The following GTF2IRD1 variants were observed in gnomAD, a reference collection of about 807,000 sequenced individuals.
The protein encoded by GTF2IRD1 is GTF2I repeat domain containing 1, also known as general transcription factor II-I repeat domain-containing protein 1.
A neutral mutation model predicts 113.2 loss-of-function variants in GTF2IRD1; 26 were observed. The ratio of observed to expected loss-of-function variants is 0.23; its 90% CI spans 0.17 to 0.32. The LOEUF is 0.32. Ranked by LOEUF, GTF2IRD1 falls within the 10% of genes least tolerant of loss-of-function variation. The pLI, the probability that GTF2IRD1 is intolerant of heterozygous loss-of-function variation, is 1.00. For synonymous variants in GTF2IRD1, 484 were observed against 529.1 expected, an observed-to-expected ratio of 0.91 and a Z score of 1.17; for missense variants, 864 against 1,280.8, an observed-to-expected ratio of 0.67 and a Z score of 4.97.
rs587712059 is a variant in GTF2IRD1, at chr7:74,551,825, A to C, written c.1917-3349A>C. 2.0e-5 allele frequency among the ~76,000 whole-genome samples: 3 copies of C among 151,570 alleles called. No homozygotes were observed. The East Asian group carries it at 5.9e-4, about 30-fold the overall frequency. ...GTGGCGTGTGCCTGTAATCCCAGCT[A>C]CTCGGGAGGCTGAGGCAGGAGAATC... On this transcript the variant is annotated intron_variant, in intron 17 of 26. Coordinates refer to ENST00000424337, the MANE Select transcript of GTF2IRD1 (RefSeq NM_005685.4).
At chr7:74,497,014 T>C (rs1348663636) in intron 1 of GTF2IRD1, among the ~76,000 whole-genome samples, 4 of 151,716 alleles carry the variant, frequency 2.6e-5, no homozygotes, top group African/African-American at 9.7e-5. Context: ...AATTTAAAAT[T>C]AGCCAGGCAT....
In GTF2IRD1 at chr7:74,460,417, A is replaced by T. The variant is rs199922591; in HGVS notation, c.-7+6241A>T. 7.2e-4 allele frequency among the ~76,000 whole-genome samples: 107 copies of T among 148,312 alleles called. 1 individual carries two copies. In the South Asian group the frequency reaches 0.015, roughly 21 times the overall value. ...TCTGCACCTAGCTAATTAAAAAAAA[A>T]TTTTTTTTTTTTAGAGATGGGGTCT... On this transcript the variant is annotated intron_variant, in intron 1 of 26. Coordinates refer to ENST00000424337, the MANE Select transcript of GTF2IRD1 (RefSeq NM_005685.4).
chr7:74,524,738 C>T (rs1554346860), intron 8 of GTF2IRD1, among the ~76,000 whole-genome samples: 2 of 152,104 alleles, frequency 1.3e-5, no homozygotes, highest in African/African-American at 2.4e-5. Context: ...TGGTAATACA[C>T]GCCTGTAATC....
intron 1 of GTF2IRD1, among the ~76,000 whole-genome samples, chr7:74,460,364 G>A (rs554451616): frequency 6.6e-6 from 1 of 152,046 alleles, no homozygotes; most frequent in East Asian, 1.9e-4. Flanking sequence ...CCAACTCCTG[G>A]GCTCAATGTG....
intron 1 of GTF2IRD1, among the ~76,000 whole-genome samples, chr7:74,485,475 G>A (rs1794968923): frequency 6.6e-6 from 1 of 151,952 alleles, no homozygotes; most frequent in African/African-American, 2.4e-5. Context: ...AAATTAGCTG[G>A]GCGTGGTGGC....
In GTF2IRD1 at chr7:74,544,690, C is replaced by T. The variant is rs1220075005; in HGVS notation, c.1619-65C>T. The T allele has an allele frequency of 4.5e-5, 68 of 1,515,330 alleles. No individual in the cohort carries two copies. The Admixed American group carries it at 6.1e-4, about 14-fold the overall frequency. 93.9% of individuals were successfully genotyped at this position (1,515,330 alleles called of 1,614,324 possible). A position where few individuals can be genotyped will look rare whatever the true frequency, so the allele number is the denominator to read the frequency against. On this transcript the variant is annotated intron_variant, in intron 14 of 26. Coordinates refer to ENST00000424337, the MANE Select transcript of GTF2IRD1 (RefSeq NM_005685.4). The stretch of plus-strand genomic sequence containing the variant: ...GCCATTCCCCAGCTATCTGGCCTGA[C>T]GTCGGCAGTGCATGGCTTAGGAGAT...
At chr7:74,581,080 C>T (rs1429994323) in intron 22 of GTF2IRD1, among the ~76,000 whole-genome samples, 1 of 151,954 alleles carries the variant, frequency 6.6e-6, no homozygotes. Context: ...AGTGCAGTGG[C>T]GCCATCTCGG....
chr7:74,567,964 T>G (rs1554361207), intron 22 of GTF2IRD1, among the ~76,000 whole-genome samples: 1 of 151,956 alleles, frequency 6.6e-6, no homozygotes, highest in African/African-American at 2.4e-5. Context: ...TTTTGTATTT[T>G]TTAGTAGAGA....
chr7:74,599,716 C>T (rs1474807536), intron 25 of GTF2IRD1, among the ~76,000 whole-genome samples: 2 of 152,132 alleles, frequency 1.3e-5, no homozygotes, highest in African/African-American at 4.8e-5. Flanking sequence ...GGGTTTCAAC[C>T]TTCACCATGT....
At chr7:74,566,381 C>T (rs1157458155) in intron 22 of GTF2IRD1, among the ~76,000 whole-genome samples, 1 of 152,164 alleles carries the variant, frequency 6.6e-6, no homozygotes, top group Non-Finnish European at 1.5e-5. Context: ...CTCGCTCTGT[C>T]CCCCAGGCTG....
intron 1 of GTF2IRD1, among the ~76,000 whole-genome samples, chr7:74,496,584 G>GTGTGTGCA (rs1305817199): frequency 6.7e-6 from 1 of 148,932 alleles, no homozygotes; most frequent in Non-Finnish European, 1.5e-5. Flanking sequence ...GTGTGCATGT[G>GTGTGTGCA]TGTGGGTGGG....
chr7:74,596,626 G>A (rs1416899237), intron 25 of GTF2IRD1, among the ~76,000 whole-genome samples: 1 of 151,970 alleles, frequency 6.6e-6, no homozygotes, highest in Non-Finnish European at 1.5e-5. Flanking sequence ...CTGGGTGACA[G>A]AGCAAGACTC....
intron 1 of GTF2IRD1, among the ~76,000 whole-genome samples, chr7:74,464,889 G>C (rs1460250723): frequency 6.6e-6 from 1 of 152,006 alleles, no homozygotes; most frequent in African/African-American, 2.4e-5. Context: ...AGTCCTCAAA[G>C]GCTGGACCCT....
intron 1 of GTF2IRD1, among the ~76,000 whole-genome samples, chr7:74,469,975 C>A (rs1554331918): frequency 6.6e-6 from 1 of 151,984 alleles, no homozygotes; most frequent in African/African-American, 2.4e-5. Flanking sequence ...TATCATTATA[C>A]CATAAAATTC....
intron 1 of GTF2IRD1, 71 bp from the exon 2 acceptor site, chr7:74,508,004 G>T: frequency 6.6e-7 from 1 of 1,513,464 alleles, no homozygotes; most frequent in Non-Finnish European, 8.9e-7. Flanking sequence ...GGTGGATTGG[G>T]GTGGGCAGCC....
intron 1 of GTF2IRD1, among the ~76,000 whole-genome samples, chr7:74,474,750 C>T (rs1227154419): frequency 3.3e-5 from 5 of 152,134 alleles, no homozygotes; most frequent in South Asian, 4.1e-4. Flanking sequence ...ATGGCTGCAA[C>T]GCAACTGTGA....
chr7:74,467,904 A>T (rs1408883239), intron 1 of GTF2IRD1, among the ~76,000 whole-genome samples: 5 of 152,108 alleles, frequency 3.3e-5, no homozygotes, highest in African/African-American at 1.2e-4. Flanking sequence ...ATGTTGGACC[A>T]GACTGGTCTT....
intron 1 of GTF2IRD1, among the ~76,000 whole-genome samples, chr7:74,456,566 C>T (rs782422631): frequency 6.6e-6 from 1 of 152,036 alleles, no homozygotes; most frequent in Non-Finnish European, 1.5e-5. Flanking sequence ...ATCTGTAATC[C>T]CAGCTGCTCG....
intron 1 of GTF2IRD1, among the ~76,000 whole-genome samples, chr7:74,478,295 TC>T (rs1554333914): frequency 6.6e-6 from 1 of 152,142 alleles, no homozygotes; most frequent in Non-Finnish European, 1.5e-5. Flanking sequence ...TGAGCAATCG[TC>T]CCCGTCATCA....
Sources: allele counts gnomAD v4.1 joint callset (sites outside exome capture counted in the v4.1 genomes callset), GRCh38; gene constraint gnomAD v4.1.1; transcripts MANE v1.5; gene names NCBI Gene and HGNC (gene_info 2026-07-23, HGNC 2026-07-21).